The following FZD6 variants were observed in gnomAD, a reference collection of about 807,000 sequenced individuals.
FZD6 encodes frizzled-6.
In FZD6, 49 loss-of-function variants were observed where a neutral mutation model predicts 61.4. That is an observed-to-expected ratio of 0.80 (90% CI 0.63 to 1.01). The LOEUF is 1.01. Among genes scored for constraint, FZD6 ranks in the 50% least tolerant of loss-of-function variants. FZD6 has a pLI of 0.00. For missense variants in FZD6, 724 were observed against 848.2 expected (o/e 0.85, Z 1.82); for synonymous variants, 265 against 292.2 (o/e 0.91, Z 0.95).
At chr8:103,330,762 A>G (rs1025973456) in intron 6 of FZD6, among the ~76,000 whole-genome samples, 8 of 152,224 alleles carry the variant, frequency 5.3e-5, no homozygotes, top group African/African-American at 1.9e-4. Context: ...AATCAATAAA[A>G]CATTTGTTAA....
intron 2 of FZD6, among the ~76,000 whole-genome samples, chr8:103,316,799 C>G (rs143808637): frequency 2.6e-5 from 4 of 152,182 alleles, no homozygotes; most frequent in African/African-American, 9.6e-5. Flanking sequence ...TCTTGATGCT[C>G]TGAAATGTTT....
chr8:103,308,013 G>A, intron 2 of FZD6: 1 of 450,646 alleles, frequency 2.2e-6, no homozygotes, highest in Admixed American at 2.4e-5. Context: ...ACCATATTGA[G>A]GGCTTAAGGT....
At chr8:103,314,870 T>A (rs1401297821) in intron 2 of FZD6, among the ~76,000 whole-genome samples, 1 of 152,238 alleles carries the variant, frequency 6.6e-6, no homozygotes, top group Non-Finnish European at 1.5e-5. Flanking sequence ...TTTGTTTATA[T>A]GTTTTAAGGC....
At position 103,318,727 on chromosome 8, in the gene FZD6, T is replaced by A; in HGVS notation, c.315T>A (p.Asp105Glu). ...CRKLCEKVYS[D>E]CKKLIDTFGI... ...AACTTTGTGAGAAAGTATATTCTGA[T>A]TGCAAAAAATTAATTGACACTTTTG... The change falls in exon 3 of 7, where the codon GAT becomes GAA. Residue 105 changes from aspartate (D) to glutamate (E), a missense_variant. Physicochemically the swap from Asp to Glu is conservative, Grantham distance 45. Transcript: ENST00000358755. The A allele has an allele frequency of 6.2e-7, 1 of 1,611,304 alleles. No homozygotes were observed. The highest frequency in any genetic ancestry group is 8.5e-7 in the Non-Finnish European group (1 of 1,177,462).
intron 5 of FZD6, 98 bp downstream of exon 5, chr8:103,328,514 A>G (rs112280833): frequency 0.028 from 26,690 of 962,620 alleles, 450 homozygotes; most frequent in Non-Finnish European, 0.031. Context: ...CATTATATCA[A>G]CTATTATTTC....
chr8:103,326,096 C>T (rs1399707361), intron 4 of FZD6, among the ~76,000 whole-genome samples: 1 of 151,930 alleles, frequency 6.6e-6, no homozygotes, highest in East Asian at 1.9e-4. Context: ...TTTCTTAAAG[C>T]ATTTTAGTTG....
chr8:103,299,270 G>C (rs1170220617), intron 1 of FZD6, among the ~76,000 whole-genome samples: 1 of 152,244 alleles, frequency 6.6e-6, no homozygotes, highest in Non-Finnish European at 1.5e-5. Flanking sequence ...GGCGCTGGCG[G>C]ACCGGGCATC....
At chr8:103,310,205 T>G (rs370063196) in intron 2 of FZD6, among the ~76,000 whole-genome samples, 1 of 152,204 alleles carries the variant, frequency 6.6e-6, no homozygotes, top group Non-Finnish European at 1.5e-5. Flanking sequence ...TTTAGCCACC[T>G]GCAGATCAAA....
rs767273753 is a variant in FZD6 at position 103,328,407 on chromosome 8, G to T, written c.1532G>T (p.Arg511Leu). The change falls in exon 5 of 7, where the codon CGC becomes CTC. Residue 511 changes from arginine (R) to leucine (L), a missense_variant. By Grantham distance (102) the Arg-to-Leu change is moderately radical. Transcript: ENST00000358755. ...TGGGCTGGGTTTTTTAAACGAAATC[G>T]CAAGAGAGAGTAAGAAACTATTGAA... ...TEWAGFFKRN[R>L]KRDPISESRR... The T allele has an allele frequency of 6.2e-7, 1 of 1,610,136 alleles. No individual in the cohort carries two copies. The highest frequency in any genetic ancestry group is 1.3e-5 in the African/African-American group (1 of 74,792).
intron 2 of FZD6, among the ~76,000 whole-genome samples, chr8:103,311,681 T>TA (rs34828148): frequency 0.43 from 52,918 of 124,320 alleles, 11,305 homozygotes; most frequent in East Asian, 0.64. Flanking sequence ...ACCTGTCTCT[T>TA]AAAAAAAAAA....
chr8:103,314,786 A>G (rs1331492208), intron 2 of FZD6, among the ~76,000 whole-genome samples: 2 of 152,156 alleles, frequency 1.3e-5, no homozygotes, highest in East Asian at 1.9e-4. Flanking sequence ...TTGACCGTTC[A>G]TTTACTAAAG....
intron 2 of FZD6, among the ~76,000 whole-genome samples, chr8:103,313,813 G>T (rs935888269): frequency 6.7e-6 from 1 of 148,764 alleles, no homozygotes; most frequent in African/African-American, 2.5e-5. Flanking sequence ...TCAGGGAAGG[G>T]GGGGGCCCTG....
intron 2 of FZD6, among the ~76,000 whole-genome samples, chr8:103,309,824 G>A (rs965183088): frequency 6.6e-6 from 1 of 152,162 alleles, no homozygotes; most frequent in African/African-American, 2.4e-5. Context: ...ATGTCAGTAT[G>A]TCTTAGCCCC....
chr8:103,318,895 A>G (rs563928254), intron 3 of FZD6, 109 bp downstream of exon 3: 1 of 748,074 alleles, frequency 1.3e-6, no homozygotes, highest in African/African-American at 1.7e-5. Context: ...AATGTTTATT[A>G]CACACTTAAT....
intron 2 of FZD6, among the ~76,000 whole-genome samples, chr8:103,305,683 C>T (rs554941113): frequency 3.3e-5 from 5 of 152,300 alleles, no homozygotes; most frequent in African/African-American, 1.2e-4. Flanking sequence ...TGTTCCAAGC[C>T]AGTTGCGTGT....
chr8:103,314,221 A>G (rs1814571442), intron 2 of FZD6, among the ~76,000 whole-genome samples: 1 of 152,230 alleles, frequency 6.6e-6, no homozygotes, highest in Admixed American at 6.5e-5. Flanking sequence ...CCCTTGAACT[A>G]TATAATTACT....
intron 3 of FZD6, 51 bp downstream of exon 3, chr8:103,318,837 C>A: frequency 1.0e-6 from 1 of 984,964 alleles, no homozygotes; most frequent in Non-Finnish European, 1.6e-6. Flanking sequence ...ACTACTGGTA[C>A]TAGCTCTCTG....
At chr8:103,318,931 T>A in intron 3 of FZD6, 145 bp downstream of exon 3, 4 of 679,550 alleles carry the variant, frequency 5.9e-6, no homozygotes, top group South Asian at 5.1e-5. Context: ...TGGTGCTAAG[T>A]GCTGTGGACA....
At chr8:103,303,467 A>G (rs1406148032) in intron 2 of FZD6, among the ~76,000 whole-genome samples, 1 of 152,164 alleles carries the variant, frequency 6.6e-6, no homozygotes. Context: ...GCTATTTTAC[A>G]GTGAATCTAC....
Sources: gnomAD v4.1 joint callset for allele counts (sites outside exome capture counted in the v4.1 genomes callset) on GRCh38, gnomAD v4.1.1 for gene constraint, MANE v1.5 for transcripts, NCBI Gene and HGNC (gene_info 2026-07-23, HGNC 2026-07-21) for gene names.